CDH12: variants seen among roughly 807,000 people sequenced by gnomAD.
CDH12 encodes cadherin-12.
In CDH12, 41 loss-of-function variants were observed where a neutral mutation model predicts 74.1. The ratio of observed to expected loss-of-function variants is 0.55; its 90% CI spans 0.43 to 0.72. The LOEUF (loss-of-function observed/expected upper bound fraction) is 0.72. Among genes scored for constraint, CDH12 ranks in the 30% least tolerant of loss-of-function variants. The probability of loss-of-function intolerance (pLI) is 0.00; values close to 1 mark genes in which losing one functional copy is unlikely to be tolerated. For synonymous variants in CDH12, 399 were observed against 355.0 expected (o/e 1.12, Z -1.39); for missense variants, 945 against 977.2 (o/e 0.97, Z 0.44).
intron 3 of CDH12, among the ~76,000 whole-genome samples, chr5:22,367,901 AT>A (rs1350336309): frequency 2.0e-5 from 3 of 152,330 alleles, no homozygotes; most frequent in African/African-American, 7.2e-5. Flanking sequence ...ATTCCTATAA[AT>A]GTGACAAATT....
At chr5:22,370,845 A>T (rs533517935) in intron 3 of CDH12, among the ~76,000 whole-genome samples, 40 of 152,178 alleles carry the variant, frequency 2.6e-4, no homozygotes, top group African/African-American at 9.4e-4. Context: ...CAGCAAAAAA[A>T]TCATCTGGAA....
chr5:22,835,766 T>C (rs1736792175), intron 1 of CDH12, among the ~76,000 whole-genome samples: 1 of 152,164 alleles, frequency 6.6e-6, no homozygotes, highest in African/African-American at 2.4e-5. Flanking sequence ...TCTGGGCAAA[T>C]CTCCAGAAAG....
At chr5:22,590,148 A>T (rs926743193) in intron 1 of CDH12, among the ~76,000 whole-genome samples, 2 of 152,138 alleles carry the variant, frequency 1.3e-5, no homozygotes, top group East Asian at 1.9e-4. Context: ...AATGTACCTA[A>T]ATGATAATTT....
At chr5:22,782,831 G>C (rs1189473961) in intron 1 of CDH12, among the ~76,000 whole-genome samples, 1 of 152,102 alleles carries the variant, frequency 6.6e-6, no homozygotes, top group Non-Finnish European at 1.5e-5. Context: ...ATGCATTAGA[G>C]GGCATATGTC....
intron 4 of CDH12, among the ~76,000 whole-genome samples, chr5:22,099,429 A>G (rs1187058712): frequency 2.0e-5 from 3 of 152,150 alleles, no homozygotes; most frequent in Non-Finnish European, 4.4e-5. Flanking sequence ...TACTTTTATC[A>G]CTTTCCCTTC....
chr5:22,397,734 G>A (rs1002675554), intron 3 of CDH12, among the ~76,000 whole-genome samples: 3 of 152,092 alleles, frequency 2.0e-5, no homozygotes, highest in Admixed American at 6.6e-5. Context: ...GCCCTAATCC[G>A]TGGTGCTTCA....
chr5:22,156,007 C>T (rs1343959231), intron 4 of CDH12, among the ~76,000 whole-genome samples: 1 of 152,140 alleles, frequency 6.6e-6, no homozygotes, highest in African/African-American at 2.4e-5. Context: ...CACAAATGTA[C>T]CCCTTGGGGT....
intron 4 of CDH12, among the ~76,000 whole-genome samples, chr5:22,102,212 C>G (rs1304084758): frequency 6.6e-6 from 1 of 151,976 alleles, no homozygotes; most frequent in Non-Finnish European, 1.5e-5. Context: ...CTTTGGAATC[C>G]ACTGAGATAA....
At position 22,146,277 on chromosome 5, in the gene CDH12, C is replaced by G. The variant is rs147805770; in HGVS notation, c.-187+66221G>C. ...TCTAAAATACTTGATGGTAAGCACT[C>G]AAGTAAAAGTCCCCATAACATGGCC... On this transcript the variant is annotated intron_variant, in intron 4 of 14. Transcript: ENST00000382254. 5.9e-3 allele frequency among the ~76,000 whole-genome samples: 904 copies of G among 152,088 alleles called. 7 individuals carry two copies. The highest frequency in any genetic ancestry group is 0.021 in the African/African-American group (863 of 41,530).
chr5:22,032,680 C>G (rs1034617585), intron 5 of CDH12, among the ~76,000 whole-genome samples: 2 of 149,348 alleles, frequency 1.3e-5, no homozygotes, highest in African/African-American at 5.0e-5. Context: ...TGTACTCCAG[C>G]CTGGGCGATA....
intron 4 of CDH12, among the ~76,000 whole-genome samples, chr5:22,126,974 T>A (rs1418627735): frequency 1.3e-5 from 2 of 152,148 alleles, no homozygotes; most frequent in African/African-American, 4.8e-5. Context: ...CACCAAAGAA[T>A]GAGGAAGCGA....
chr5:22,606,547 T>G (rs1407193388), intron 1 of CDH12, among the ~76,000 whole-genome samples: 2 of 152,118 alleles, frequency 1.3e-5, no homozygotes, highest in African/African-American at 2.4e-5. Context: ...CCTCCTTCAC[T>G]CCACACTCAT....
chr5:21,784,269 A>G lies in CDH12; in HGVS notation c.1257-775T>C, dbSNP rs147839230. On this transcript the variant is annotated intron_variant, in intron 10 of 14. Coordinates refer to ENST00000382254, the MANE Select transcript of CDH12 (RefSeq NM_004061.5). ...AGTAACAGTAGATATATGGATCGGCATTATGTGAAATTTTTTTCCAACATG... is the reference window on the plus strand; with the variant it reads ...AGTAACAGTAGATATATGGATCGGCGTTATGTGAAATTTTTTTCCAACATG... 7.9e-5 allele frequency among the ~76,000 whole-genome samples: 12 copies of G among 152,304 alleles called. No homozygotes were observed. In the East Asian group the frequency reaches 2.1e-3, roughly 27 times the overall value.
intron 3 of CDH12, among the ~76,000 whole-genome samples, chr5:22,338,251 T>A (rs1739677639): frequency 6.6e-6 from 1 of 152,128 alleles, no homozygotes; most frequent in Admixed American, 6.5e-5. Flanking sequence ...TAAAAAAGAA[T>A]AAGATTATGC....
At chr5:22,277,663 T>A (rs1190971128) in intron 3 of CDH12, among the ~76,000 whole-genome samples, 2 of 76,388 alleles carry the variant, frequency 2.6e-5, no homozygotes, top group Non-Finnish European at 5.7e-5. Context: ...AGAAACCCTA[T>A]CTCTACCAAA....
At chr5:22,641,349 A>G (rs182001949) in intron 1 of CDH12, among the ~76,000 whole-genome samples, 2 of 152,128 alleles carry the variant, frequency 1.3e-5, no homozygotes, top group Non-Finnish European at 2.9e-5. Context: ...ATGGAGAATA[A>G]GATTGTCTCA....
At chr5:21,985,980 G>T (rs1460157622) in intron 5 of CDH12, among the ~76,000 whole-genome samples, 2 of 152,158 alleles carry the variant, frequency 1.3e-5, no homozygotes, top group Middle Eastern at 3.4e-3. Flanking sequence ...TGACTCATTT[G>T]TTCTCCCTAG....
chr5:22,711,279 T>G (rs917494400), intron 1 of CDH12, among the ~76,000 whole-genome samples: 1 of 152,070 alleles, frequency 6.6e-6, no homozygotes, highest in African/African-American at 2.4e-5. Context: ...TTTGCTGAAA[T>G]GGATTCTAGA....
intron 1 of CDH12, among the ~76,000 whole-genome samples, chr5:22,778,755 T>C (rs1346468416): frequency 6.6e-6 from 1 of 152,106 alleles, no homozygotes; most frequent in African/African-American, 2.4e-5. Flanking sequence ...AATTTTATAA[T>C]TGAAATAATT....
Sources: allele counts gnomAD v4.1 joint callset (sites outside exome capture counted in the v4.1 genomes callset), GRCh38; gene constraint gnomAD v4.1.1; transcripts MANE v1.5; gene names NCBI Gene and HGNC (gene_info 2026-07-23, HGNC 2026-07-21).